The following GMDS variants were observed in gnomAD, a reference collection of about 807,000 sequenced individuals.
GMDS encodes GDP-mannose 4,6 dehydratase.
GMDS carries 20 observed loss-of-function variants against 49.9 expected under a neutral mutation model. The ratio of observed to expected loss-of-function variants is 0.40; its 90% CI spans 0.28 to 0.58. GMDS has a LOEUF of 0.58. Among genes scored for constraint, GMDS ranks in the 20% least tolerant of loss-of-function variants. GMDS has a pLI of 0.42. For missense variants in GMDS, 362 were observed against 481.4 expected, an observed-to-expected ratio of 0.75 and a Z score of 2.32; for synonymous variants, 177 against 178.6, an observed-to-expected ratio of 0.99 and a Z score of 0.07.
At chr6:1,904,015 C>G (rs139725726) in intron 7 of GMDS, among the ~76,000 whole-genome samples, 71 of 152,254 alleles carry the variant, frequency 4.7e-4, no homozygotes, top group Admixed American at 3.2e-3. Flanking sequence ...TGAGTCCCAA[C>G]CAACTTTGAT....
intron 9 of GMDS, among the ~76,000 whole-genome samples, chr6:1,642,666 C>T (rs184724375): frequency 1.1e-3 from 161 of 152,312 alleles, no homozygotes; most frequent in African/African-American, 3.8e-3. Flanking sequence ...AGTCCTTATG[C>T]ATAACAGACG....
intron 4 of GMDS, among the ~76,000 whole-genome samples, chr6:2,031,490 GA>G (rs201184130): frequency 1.2e-3 from 179 of 143,772 alleles, no homozygotes; most frequent in South Asian, 0.011. Flanking sequence ...AGTGCTTAGA[GA>G]AAAAAAAAAA....
intron 4 of GMDS, among the ~76,000 whole-genome samples, chr6:2,108,433 T>TGG (rs1774360182): frequency 6.6e-6 from 1 of 152,138 alleles, no homozygotes; most frequent in African/African-American, 2.4e-5. Context: ...TCATTCCTGA[T>TGG]GAGTTAGTAC....
At chr6:1,838,992 A>C (rs1327080975) in intron 7 of GMDS, among the ~76,000 whole-genome samples, 1 of 152,220 alleles carries the variant, frequency 6.6e-6, no homozygotes, top group Admixed American at 6.5e-5. Flanking sequence ...CCTAAGTACA[A>C]CGACAAGTGT....
chr6:1,991,938 A>T (rs1232408496), intron 4 of GMDS, among the ~76,000 whole-genome samples: 4 of 152,316 alleles, frequency 2.6e-5, no homozygotes, highest in Admixed American at 6.5e-5. Context: ...GATCGGAGTT[A>T]CGCAGCTCCA....
At chr6:1,690,044 G>A (rs1407044446) in intron 9 of GMDS, among the ~76,000 whole-genome samples, 1 of 152,296 alleles carries the variant, frequency 6.6e-6, no homozygotes, top group East Asian at 1.9e-4. Flanking sequence ...GGCAGAGGCT[G>A]TAGTGAACCG....
intron 6 of GMDS, among the ~76,000 whole-genome samples, chr6:1,937,546 A>G (rs1337343974): frequency 6.6e-6 from 1 of 152,208 alleles, no homozygotes; most frequent in African/African-American, 2.4e-5. Context: ...TCCTTCGAGA[A>G]TATCTACAGG....
At chr6:2,089,027 A>G (rs1233439887) in intron 4 of GMDS, among the ~76,000 whole-genome samples, 1 of 152,248 alleles carries the variant, frequency 6.6e-6, no homozygotes, top group Non-Finnish European at 1.5e-5. Flanking sequence ...GTAAATCACT[A>G]CACGAAAAGC....
At chr6:2,216,969 T>G (rs1386148234) in intron 1 of GMDS, among the ~76,000 whole-genome samples, 2 of 151,852 alleles carry the variant, frequency 1.3e-5, no homozygotes, top group Non-Finnish European at 2.9e-5. Context: ...CCCCGAGACT[T>G]GGCAAGGTTT....
chr6:1,825,113 G>GC (rs149207503), intron 7 of GMDS, among the ~76,000 whole-genome samples: 664 of 152,254 alleles, frequency 4.4e-3, no homozygotes, highest in African/African-American at 0.015. Flanking sequence ...CAGATAAATC[G>GC]CATTACGAAA....
At chr6:1,813,222 T>C (rs1317544727) in intron 7 of GMDS, among the ~76,000 whole-genome samples, 1 of 83,876 alleles carries the variant, frequency 1.2e-5, no homozygotes, top group Admixed American at 1.3e-4. Context: ...ACTCTGTCTC[T>C]TAAAAAAAAA....
intron 4 of GMDS, among the ~76,000 whole-genome samples, chr6:2,079,652 T>A (rs1265777596): frequency 6.6e-6 from 1 of 152,134 alleles, no homozygotes; most frequent in Non-Finnish European, 1.5e-5. Context: ...GCTTGTAAGG[T>A]TTCTGCTGAG....
At chr6:2,038,189 G>A (rs1010900379) in intron 4 of GMDS, among the ~76,000 whole-genome samples, 3 of 152,266 alleles carry the variant, frequency 2.0e-5, no homozygotes, top group South Asian at 4.1e-4. Flanking sequence ...CACAAAGCTG[G>A]TTTTGTCCCA....
In GMDS at chr6:1,930,202, G is replaced by T. The variant is rs747035969; in HGVS notation, c.672C>A (p.Ser224Arg). Reference sequence around the variant, plus strand: ...CAAGGTAAATCTTAGCTACTGACCGGCTAATTTTTCGAGTAACGAAATTAG... The same window carrying T: ...CAAGGTAAATCTTAGCTACTGACCGTCTAATTTTTCGAGTAACGAAATTAG... ...RGANFVTRKI[S>R]RSVAKIYLGQ... The change falls in exon 7 of 11, where the codon AGC (serine) becomes AGA (arginine). Residue 224 changes from serine to arginine, a missense_variant. Ser to Arg is a moderately radical substitution (Grantham distance 110). Transcript: ENST00000380815. The T allele has an allele frequency of 6.2e-7, 1 of 1,612,276 alleles. No individual in the cohort carries two copies. The highest frequency in any genetic ancestry group is 8.5e-7 in the Non-Finnish European group (1 of 1,178,860).
At chr6:1,793,252 T>G (rs1561808550) in intron 7 of GMDS, among the ~76,000 whole-genome samples, 1 of 152,234 alleles carries the variant, frequency 6.6e-6, no homozygotes, top group African/African-American at 2.4e-5. Context: ...AAAATGACTA[T>G]GCATTTGTGA....
At chr6:1,931,939 C>T (rs1051755929) in intron 6 of GMDS, among the ~76,000 whole-genome samples, 1 of 152,228 alleles carries the variant, frequency 6.6e-6, no homozygotes, top group African/African-American at 2.4e-5. Context: ...GCAGCAGCCC[C>T]TGCTCTCAGG....
At chr6:2,124,824 C>T in intron 1 of GMDS, 93 bp from the exon 2 acceptor site, 4 of 902,298 alleles carry the variant, frequency 4.4e-6, no homozygotes, top group South Asian at 2.8e-5. Flanking sequence ...ATTTAAAAGG[C>T]TACCTAACTT....
At chr6:2,143,461 C>T (rs564716233) in intron 1 of GMDS, among the ~76,000 whole-genome samples, 2 of 152,234 alleles carry the variant, frequency 1.3e-5, no homozygotes, top group Non-Finnish European at 2.9e-5. Flanking sequence ...GGTGGGAGCA[C>T]CCACACACCA....
At chr6:1,810,307 T>G (rs190810846) in intron 7 of GMDS, among the ~76,000 whole-genome samples, 314 of 152,192 alleles carry the variant, frequency 2.1e-3, no homozygotes, top group African/African-American at 7.1e-3. Context: ...TATTTTTATT[T>G]TTTTGAGATG....
Sources: gnomAD v4.1 joint callset for allele counts (sites outside exome capture counted in the v4.1 genomes callset) on GRCh38, gnomAD v4.1.1 for gene constraint, MANE v1.5 for transcripts, NCBI Gene and HGNC (gene_info 2026-07-23, HGNC 2026-07-21) for gene names.